Variants in EPHA3 observed in about 807,000 individuals in gnomAD.
EPHA3 encodes the protein EPH receptor A3.
In EPHA3, 42 loss-of-function variants were observed where a neutral mutation model predicts 107.1. The ratio of observed to expected loss-of-function variants is 0.39; its 90% CI spans 0.31 to 0.51. The LOEUF (loss-of-function observed/expected upper bound fraction) is 0.51, where lower values mean the gene tolerates loss of function less well. Among genes scored for constraint, EPHA3 ranks in the 20% least tolerant of loss-of-function variants. EPHA3 has a pLI of 0.78. For missense variants in EPHA3, 1,183 were observed against 1,211.2 expected, an observed-to-expected ratio of 0.98 and a Z score of 0.35; for synonymous variants, 461 against 424.8, an observed-to-expected ratio of 1.09 and a Z score of -1.05.
chr3:89,477,031 A>G (rs934960432), intron 16 of EPHA3, among the ~76,000 whole-genome samples: 11 of 152,164 alleles, frequency 7.2e-5, no homozygotes, highest in Non-Finnish European at 1.5e-4. Context: ...CCATACTTGT[A>G]TCTGTCCTGT....
At position 89,408,837 on chromosome 3, in the gene EPHA3, T is replaced by C. The variant is rs570144750; in HGVS notation, c.1762+706T>C. 3.9e-5 allele frequency among the ~76,000 whole-genome samples: 6 copies of C among 152,192 alleles called. No homozygotes were observed. The East Asian group carries it at 7.7e-4, about 20-fold the overall frequency. On this transcript the variant is annotated intron_variant, in intron 9 of 16. Coordinates refer to ENST00000336596, the MANE Select transcript of EPHA3 (RefSeq NM_005233.6). ...TTAAATAGCATGTTCTCATGGAAAT[T>C]AGTACAAAGACTGTACTCATGCTTA...
chr3:89,212,348 T>A (rs1184588954), intron 3 of EPHA3, among the ~76,000 whole-genome samples: 2 of 152,004 alleles, frequency 1.3e-5, no homozygotes, highest in African/African-American at 4.8e-5. Context: ...TGGGGTTGTT[T>A]TTTTGGGGAG....
At chr3:89,213,249 C>CACCAG (rs1384902876) in intron 3 of EPHA3, among the ~76,000 whole-genome samples, 4 of 151,916 alleles carry the variant, frequency 2.6e-5, no homozygotes, top group Non-Finnish European at 4.4e-5. Context: ...TAAGGGGAGA[C>CACCAG]ACCAGAAATG....
At chr3:89,182,622 A>AC (rs1705467514) in intron 2 of EPHA3, among the ~76,000 whole-genome samples, 2 of 151,966 alleles carry the variant, frequency 1.3e-5, no homozygotes, top group African/African-American at 4.8e-5. Context: ...AGTATAGCTT[A>AC]AATGAAATAG....
chr3:89,450,528 G>A (rs186441971), intron 15 of EPHA3, among the ~76,000 whole-genome samples, 158 bp downstream of exon 15: 65 of 152,054 alleles, frequency 4.3e-4, no homozygotes, highest in African/African-American at 1.5e-3. Flanking sequence ...TTAATCTTTA[G>A]AACTAATTCT....
At chr3:89,162,800 T>C (rs2107075508) in intron 2 of EPHA3, among the ~76,000 whole-genome samples, 1 of 152,248 alleles carries the variant, frequency 6.6e-6, no homozygotes, top group East Asian at 1.9e-4. Flanking sequence ...TCCTGCAAAA[T>C]CACTGGATGT....
chr3:89,364,788 T>TG (rs1708157219), intron 5 of EPHA3, among the ~76,000 whole-genome samples: 1 of 151,066 alleles, frequency 6.6e-6, no homozygotes, highest in South Asian at 2.1e-4. Flanking sequence ...GGCCAATCAG[T>TG]GTAATACAGA....
intron 2 of EPHA3, among the ~76,000 whole-genome samples, chr3:89,153,792 G>C (rs1297884598): frequency 6.6e-6 from 1 of 151,996 alleles, no homozygotes; most frequent in Admixed American, 6.6e-5. Flanking sequence ...CTTTGCTGAT[G>C]ATCCTCTAAG....
In EPHA3 at chr3:89,254,351, T is replaced by A. The variant is rs554511461; in HGVS notation, c.814+43831T>A. ...TACTTCTGTGATTAGCATTATTTCCTTCAGTGATACATTTACTCTGAATAA... is the reference window on the plus strand; with the variant it reads ...TACTTCTGTGATTAGCATTATTTCCATCAGTGATACATTTACTCTGAATAA... On this transcript the variant is annotated intron_variant, in intron 3 of 16. Transcript: ENST00000336596. 2.0e-4 allele frequency among the ~76,000 whole-genome samples: 31 copies of A among 152,308 alleles called. No homozygotes were observed. The South Asian group carries it at 6.4e-3, about 32-fold the overall frequency.
chr3:89,116,719 T>TAAGAAAA (rs1707264070), intron 1 of EPHA3, among the ~76,000 whole-genome samples: 1 of 132,570 alleles, frequency 7.5e-6, no homozygotes. Flanking sequence ...ACTGTAACAT[T>TAAGAAAA]AAAAAAAAAA....
intron 5 of EPHA3, among the ~76,000 whole-genome samples, chr3:89,361,473 C>G (rs1044631928): frequency 1.3e-5 from 2 of 150,878 alleles, no homozygotes; most frequent in African/African-American, 4.8e-5. Context: ...GGTTCAATGA[C>G]TGTTAGTACA....
At chr3:89,460,934 T>A (rs2107566414) in intron 15 of EPHA3, among the ~76,000 whole-genome samples, 1 of 125,974 alleles carries the variant, frequency 7.9e-6, no homozygotes, top group African/African-American at 3.1e-5. Flanking sequence ...CACTAATGTG[T>A]CATCTAGCAT....
intron 5 of EPHA3, among the ~76,000 whole-genome samples, chr3:89,372,945 A>C (rs1708336391): frequency 6.6e-6 from 1 of 151,824 alleles, no homozygotes; most frequent in Non-Finnish European, 1.5e-5. Flanking sequence ...TGAAAAAAGT[A>C]GTTTGATCAA....
intron 2 of EPHA3, among the ~76,000 whole-genome samples, chr3:89,187,740 TTTAAA>T (rs1705605574): frequency 6.6e-6 from 1 of 152,030 alleles, no homozygotes; most frequent in Non-Finnish European, 1.5e-5. Flanking sequence ...GTATGAAAAG[TTTAAA>T]TTAAACAGTA....
intron 3 of EPHA3, among the ~76,000 whole-genome samples, chr3:89,316,505 A>ATATATATATATATATATAT: frequency 9.6e-6 from 1 of 104,132 alleles, no homozygotes; most frequent in Non-Finnish European, 1.9e-5. Flanking sequence ...GTGTGTGTGT[A>ATATATATATATATATATAT]ATATATATAT....
rs138334601 is a variant in EPHA3 at position 89,439,915 on chromosome 3, C to A, written c.2346+8556C>A. Among the ~76,000 whole-genome samples the A allele has an allele frequency of 4.1e-3, 627 of 152,106 alleles. 2 individuals carry two copies. Among genetic ancestry groups the A allele is most frequent in the Non-Finnish European group, 5.6e-3 (379 of 67,994 alleles). On this transcript the variant is annotated intron_variant, in intron 13 of 16. Transcript: ENST00000336596. The stretch of plus-strand genomic sequence containing the variant: ...AGTTTGTTTTTTATTTCCTGGTTAG[C>A]CATTATAATAATTTGGAATATGGAG...
At chr3:89,319,089 G>T (rs1706979559) in intron 3 of EPHA3, among the ~76,000 whole-genome samples, 1 of 151,888 alleles carries the variant, frequency 6.6e-6, no homozygotes, top group African/African-American at 2.4e-5. Context: ...CTCCTTGCCA[G>T]TATCACTTAT....
chr3:89,242,683 TGCCTCA>T (rs1704931720), intron 3 of EPHA3, among the ~76,000 whole-genome samples: 1 of 152,088 alleles, frequency 6.6e-6, no homozygotes, highest in South Asian at 2.1e-4. Context: ...GTGATCTGCC[TGCCTCA>T]GCCTCCCAAA....
intron 13 of EPHA3, among the ~76,000 whole-genome samples, chr3:89,441,994 C>T (rs1709795340): frequency 6.6e-6 from 1 of 152,114 alleles, no homozygotes; most frequent in African/African-American, 2.4e-5. Flanking sequence ...TAGCTGTAGA[C>T]AGTGTTTGCT....
Sources: allele counts gnomAD v4.1 joint callset (sites outside exome capture counted in the v4.1 genomes callset), GRCh38; gene constraint gnomAD v4.1.1; transcripts MANE v1.5; gene names NCBI Gene and HGNC (gene_info 2026-07-23, HGNC 2026-07-21).